Variants in GEMIN5 observed in about 807,000 individuals in gnomAD.
GEMIN5 encodes the protein gem nuclear organelle associated protein 5, also known as gem-associated protein 5.
GEMIN5 carries 124 observed loss-of-function variants against 176.9 expected under a neutral mutation model. The ratio of observed to expected loss-of-function variants is 0.70; its 90% CI spans 0.61 to 0.81. The LOEUF (loss-of-function observed/expected upper bound fraction) is 0.81, where lower values mean the gene tolerates loss of function less well. GEMIN5 is among the 40% of genes least tolerant of loss of function. GEMIN5 has a pLI of 0.00. For missense variants in GEMIN5, 1,843 were observed against 1,814.6 expected (o/e 1.02, Z -0.28); for synonymous variants, 673 against 665.2 (o/e 1.01, Z -0.18).
chr5:154,925,793 G>T, intron 8 of GEMIN5, 69 bp downstream of exon 8: 1 of 837,338 alleles, frequency 1.2e-6, no homozygotes, highest in Non-Finnish European at 2.0e-6. Context: ...GCATTTAAAT[G>T]AACAGGCATA....
Position 154,931,497 on chromosome 5 carries a change from C to T in GEMIN5, c.742G>A (p.Asp248Asn). 1 of 1,613,428 alleles carries T rather than the reference C, an allele frequency of 6.2e-7. No individual in the cohort carries two copies. The highest frequency in any genetic ancestry group is 8.5e-7 in the Non-Finnish European group (1 of 1,179,392). The change falls in exon 5 of 28, where the codon GAT becomes AAT. Residue 248 changes from aspartate to asparagine, a missense_variant. Coordinates refer to ENST00000285873, the MANE Select transcript of GEMIN5 (RefSeq NM_015465.5). Reference protein sequence around the residue: ...KGCYLATGSKDQTIRIWSCSR... With the variant: ...KGCYLATGSKNQTIRIWSCSR... ...CAGCTCCAGATTCGAATGGTTTGAT[C>T]TTTGCTTCCAGTGGCTAAGTAGCAA...
chr5:154,921,194 C>T (rs1763913546), intron 10 of GEMIN5, 149 bp downstream of exon 10: 3 of 570,586 alleles, frequency 5.3e-6, no homozygotes, highest in African/African-American at 2.0e-5. Flanking sequence ...TCTGCCACTA[C>T]TGTCTTCATG....
intron 18 of GEMIN5, 144 bp from the exon 19 acceptor site, chr5:154,903,319 C>A: frequency 1.7e-6 from 1 of 602,992 alleles, no homozygotes; most frequent in South Asian, 2.1e-5. Flanking sequence ...CCTGCAGTTA[C>A]AAAGGGAGCA....
At position 154,907,809 on chromosome 5, in the gene GEMIN5, C is replaced by CT. The variant is rs1763603014; in HGVS notation, c.2176dup (p.Ser726LysfsTer3). On this transcript the variant is annotated frameshift_variant, in exon 16 of 28. Transcript: ENST00000285873. LOFTEE classifies it high-confidence loss of function. The stretch of plus-strand genomic sequence containing the variant: ...GAGCCGTTTTTTCTCCAATTCAATA[C>CT]TTTTTTTGCCTACAAGAATCACAAT... 3 of 1,585,640 alleles carry CT rather than the reference C, an allele frequency of 1.9e-6. No individual in the cohort carries two copies. Among genetic ancestry groups the CT allele is most frequent in the South Asian group, 1.1e-5 (1 of 90,260 alleles).
intron 13 of GEMIN5, among the ~76,000 whole-genome samples, chr5:154,914,264 G>A (rs886993789): frequency 2.0e-5 from 3 of 152,058 alleles, no homozygotes; most frequent in Non-Finnish European, 4.4e-5. Context: ...CAGGCGATCC[G>A]CCCACCTTGG....
chr5:154,888,432 A>G (rs1464907559), intron 27 of GEMIN5, 55 bp from the exon 28 acceptor site: 3 of 1,480,406 alleles, frequency 2.0e-6, no homozygotes, highest in Non-Finnish European at 1.9e-6. Context: ...AGAGCCACAA[A>G]CACCTGCACA....
At chr5:154,899,552 T>G (rs1328682926) in intron 21 of GEMIN5, among the ~76,000 whole-genome samples, 1 of 152,176 alleles carries the variant, frequency 6.6e-6, no homozygotes, top group East Asian at 1.9e-4. Context: ...CAAGAACCTT[T>G]CAGAGGGTTC....
intron 26 of GEMIN5, among the ~76,000 whole-genome samples, chr5:154,889,712 ATAAATT>A (rs1220970148): frequency 6.6e-6 from 1 of 152,222 alleles, no homozygotes; most frequent in Non-Finnish European, 1.5e-5. Flanking sequence ...TTCTGTCTCT[ATAAATT>A]TAACTATTTT....
At position 154,891,383 on chromosome 5, in the gene GEMIN5, C is replaced by T. The variant is rs921018682; in HGVS notation, c.4120G>A (p.Val1374Ile). Reference sequence around the variant, plus strand: ...GCCAAGGTCTCTTGGACTTCAGCAACAGTTCTCTGTGAGTTTTGGAGACTG... The same window carrying T: ...GCCAAGGTCTCTTGGACTTCAGCAATAGTTCTCTGTGAGTTTTGGAGACTG... ...HASLQNSQRT[V>I]AEVQETLAEM... Residue 1374 changes from valine (V) to isoleucine (I), a missense_variant, in exon 26 of 28, where the codon GTT becomes ATT. Transcript: ENST00000285873. 5 of 1,614,146 alleles carry T rather than the reference C, an allele frequency of 3.1e-6. No homozygotes were observed. Among genetic ancestry groups the T allele is most frequent in the South Asian group, 1.1e-5 (1 of 91,086 alleles).
At chr5:154,930,155 A>G (rs1436192142) in intron 5 of GEMIN5, among the ~76,000 whole-genome samples, 3 of 152,176 alleles carry the variant, frequency 2.0e-5, no homozygotes, top group African/African-American at 7.2e-5. Context: ...TTTTCCTGCC[A>G]TAACCATTTT....
At position 154,887,890 on chromosome 5, in the gene GEMIN5, C is replaced by T. The variant is rs752233341; in HGVS notation, c.*320G>A. The stretch of plus-strand genomic sequence containing the variant: ...TTTAAGCATGTAACACTTTGGGTGA[C>T]GACAGAAGTTTCTCCTCTTTGGGTG... On this transcript the variant is annotated 3_prime_UTR_variant, in exon 28 of 28. Transcript: ENST00000285873. The T allele has an allele frequency of 3.0e-5, 9 of 295,576 alleles. No individual in the cohort carries two copies. The highest frequency in any genetic ancestry group is 4.5e-5 in the African/African-American group (2 of 44,540). The allele number at this position is 295,576 out of a possible 1,614,324, so 18.3% of individuals were successfully genotyped here.
rs1043354359 is a variant in GEMIN5, at chr5:154,893,061, C to A, written c.3598-512G>T. Among the ~76,000 whole-genome samples the A allele has an allele frequency of 9.2e-5, 14 of 152,030 alleles. No homozygotes were observed. The South Asian group carries it at 2.9e-3, about 32-fold the overall frequency. On this transcript the variant is annotated intron_variant, in intron 24 of 27. Coordinates refer to ENST00000285873, the MANE Select transcript of GEMIN5 (RefSeq NM_015465.5). ...GTGGTGAGCTGAGATTGCGCCACTG[C>A]ACTCCAGTCTGAGCATGAGAGTGAG...
At chr5:154,891,892 C>T in intron 25 of GEMIN5, 150 bp from the exon 26 acceptor site, 1 of 718,806 alleles carries the variant, frequency 1.4e-6, no homozygotes, top group Non-Finnish European at 2.3e-6. Flanking sequence ...CATGCCTTTC[C>T]ACCAAGAGCC....
chr5:154,915,678 G>T (rs1455162207), intron 13 of GEMIN5, among the ~76,000 whole-genome samples: 1 of 152,164 alleles, frequency 6.6e-6, no homozygotes, highest in South Asian at 2.1e-4. Context: ...TTGGGAAAAT[G>T]AGGATAACGT....
intron 16 of GEMIN5, among the ~76,000 whole-genome samples, chr5:154,907,255 A>G (rs1443505108): frequency 6.6e-6 from 1 of 152,208 alleles, no homozygotes; most frequent in Non-Finnish European, 1.5e-5. Flanking sequence ...AAATGTGGCT[A>G]CTGATGTCAT....
intron 21 of GEMIN5, 98 bp from the exon 22 acceptor site, chr5:154,899,408 TTGTC>T: frequency 9.9e-7 from 1 of 1,012,294 alleles, no homozygotes. Flanking sequence ...CCCTTTTGTG[TTGTC>T]TTATTGTTCC....
chr5:154,927,482 G>A lies in GEMIN5; in HGVS notation c.983C>T (p.Ser328Leu). Residue 328 changes from serine to leucine, a missense_variant, in exon 7 of 28, where the codon TCA becomes TTA. Coordinates refer to ENST00000285873, the MANE Select transcript of GEMIN5 (RefSeq NM_015465.5). ...RRKYTLFSAS[S>L]EGQNHSRIVF... ...AATTCTTGAATGATTTTGCCCTTCTGATGAGGCACTGAAGAGGGTGTATTT... is the reference window on the plus strand; with the variant it reads ...AATTCTTGAATGATTTTGCCCTTCTAATGAGGCACTGAAGAGGGTGTATTT... The A allele has an allele frequency of 6.2e-7, 1 of 1,609,744 alleles. No homozygotes were observed. Among genetic ancestry groups the A allele is most frequent in the Non-Finnish European group, 8.5e-7 (1 of 1,175,938 alleles).
chr5:154,932,871 T>C (rs564805590), intron 3 of GEMIN5, among the ~76,000 whole-genome samples: 78 of 152,332 alleles, frequency 5.1e-4, no homozygotes, highest in African/African-American at 1.7e-3. Flanking sequence ...GGCCAACTCT[T>C]CTAACTAGAG....
At chr5:154,937,219 G>C in intron 1 of GEMIN5, 34 bp from the exon 2 acceptor site, 2 of 1,551,130 alleles carry the variant, frequency 1.3e-6, no homozygotes, top group Non-Finnish European at 1.8e-6. Flanking sequence ...GTTAATCGAA[G>C]TGCTATCCAA....
Sources: allele counts gnomAD v4.1 joint callset (sites outside exome capture counted in the v4.1 genomes callset), GRCh38; gene constraint gnomAD v4.1.1; transcripts MANE v1.5; gene names NCBI Gene and HGNC (gene_info 2026-07-23, HGNC 2026-07-21).